PMEL: variants seen among roughly 807,000 people sequenced by gnomAD.
The protein encoded by PMEL is premelanosome protein, also known as melanocyte protein PMEL.
A neutral mutation model predicts 64.9 loss-of-function variants in PMEL; 53 were observed. The ratio of observed to expected loss-of-function variants is 0.82; its 90% CI spans 0.66 to 1.03. The LOEUF (loss-of-function observed/expected upper bound fraction) is 1.03. Ranked by LOEUF, PMEL falls within the 50% of genes least tolerant of loss-of-function variation. The probability of loss-of-function intolerance (pLI) is 0.00; values close to 1 mark genes in which losing one functional copy is unlikely to be tolerated. For missense variants in PMEL, 716 were observed against 814.9 expected (o/e 0.88, Z 1.48); for synonymous variants, 299 against 316.2 (o/e 0.95, Z 0.58).
chr12:55,960,546 T>G (rs1348495654), intron 3 of PMEL, among the ~76,000 whole-genome samples: 6 of 140,174 alleles, frequency 4.3e-5, no homozygotes, highest in African/African-American at 1.4e-4. Flanking sequence ...TGTTTTTTTT[T>G]TTTTTTTTTT....
At chr12:55,960,854 T>C (rs1565776384) in intron 3 of PMEL, among the ~76,000 whole-genome samples, 1 of 148,344 alleles carries the variant, frequency 6.7e-6, no homozygotes, top group Non-Finnish European at 1.5e-5. Flanking sequence ...GCCTTCTCTG[T>C]GTTTTTAAAT....
intron 1 of PMEL, among the ~76,000 whole-genome samples, chr12:55,964,928 CTTTTTTTTT>C (rs545848638): frequency 8.1e-6 from 1 of 123,778 alleles, no homozygotes; most frequent in Non-Finnish European, 1.7e-5. Context: ...CATCCCCTTT[CTTTTTTTTT>C]TTTTTTTTGA....
Position 55,956,262 on chromosome 12 carries a change from A to C in PMEL, c.1355-43T>G, listed in dbSNP as rs777151211. 4.6e-6 allele frequency: 6 copies of C among 1,292,788 alleles called. No homozygotes were observed. In the Admixed American group the frequency reaches 7.0e-5, roughly 15 times the overall value. 80.1% of individuals were successfully genotyped at this position (1,292,788 alleles called of 1,614,324 possible). ...AGGAGGCAAGATCAAGAGACAGATG[A>C]CTCATCTGGAGGCAGAGGCCAAGCA... On this transcript the variant is annotated intron_variant, in intron 6 of 10. Transcript: ENST00000548747.
At chr12:55,958,302 T>C (rs1042501758) in intron 4 of PMEL, 171 bp downstream of exon 4, 12 of 793,554 alleles carry the variant, frequency 1.5e-5, no homozygotes, top group Non-Finnish European at 2.3e-5. Flanking sequence ...GAAAGAATTA[T>C]GATAGAGTTG....
chr12:55,960,634 C>G (rs1437030868), intron 3 of PMEL, among the ~76,000 whole-genome samples: 1 of 148,392 alleles, frequency 6.7e-6, no homozygotes, highest in Non-Finnish European at 1.5e-5. Flanking sequence ...GCTCCACCTC[C>G]TGGGTTCACG....
At chr12:55,961,273 A>G in intron 3 of PMEL, 44 bp downstream of exon 3, 6 of 1,590,732 alleles carry the variant, frequency 3.8e-6, no homozygotes, top group South Asian at 1.1e-5. Context: ...ATACCAGGGA[A>G]CCTGAGCCCT....
intron 4 of PMEL, 183 bp downstream of exon 4, chr12:55,958,290 C>T (rs879007549): frequency 2.6e-6 from 2 of 782,822 alleles, no homozygotes; most frequent in South Asian, 3.7e-5. Context: ...GAAGAGTTGC[C>T]AGAAAGAATT....
At chr12:55,965,666 C>T (rs962778247) in intron 1 of PMEL, among the ~76,000 whole-genome samples, 2 of 152,150 alleles carry the variant, frequency 1.3e-5, no homozygotes, top group African/African-American at 2.4e-5. Flanking sequence ...CTTTGGAGCC[C>T]GTGCTCCAGC....
At position 55,965,850 on chromosome 12, in the gene PMEL, T is replaced by A. The variant is rs925600747; in HGVS notation, c.76+86A>T. 5.3e-6 allele frequency: 8 copies of A among 1,504,972 alleles called. No homozygotes were observed. In the African/African-American group the frequency reaches 9.6e-5, roughly 18 times the overall value. The allele number at this position is 1,504,972 out of a possible 1,614,324, so 93.2% of individuals were successfully genotyped here. A position where few individuals can be genotyped will look rare whatever the true frequency, so the allele number is the denominator to read the frequency against. Reference sequence around the variant, plus strand: ...TGGGAGACGCCTGAAATATTGCCGCTATCTCCCATTAGGAGGACAGAAACC... The same window carrying A: ...TGGGAGACGCCTGAAATATTGCCGCAATCTCCCATTAGGAGGACAGAAACC... On this transcript the variant is annotated intron_variant, in intron 1 of 10. Coordinates refer to ENST00000548747, the MANE Select transcript of PMEL (RefSeq NM_001384361.1).
At chr12:55,962,982 C>A in intron 1 of PMEL, among the ~76,000 whole-genome samples, 1 of 151,718 alleles carries the variant, frequency 6.6e-6, no homozygotes, top group South Asian at 2.1e-4. Context: ...CCAAGTGAAA[C>A]CCTGTCTCTA....
intron 10 of PMEL, among the ~76,000 whole-genome samples, chr12:55,955,004 A>T (rs1398453815): frequency 1.3e-5 from 2 of 152,232 alleles, no homozygotes; most frequent in Non-Finnish European, 2.9e-5. Context: ...CTTCAGAGCC[A>T]GGTGCTTTAC....
At position 55,957,603 on chromosome 12, in the gene PMEL, T is replaced by C; in HGVS notation, c.700A>G (p.Arg234Gly). The C allele has an allele frequency of 6.2e-7, 1 of 1,613,612 alleles. No homozygotes were observed. Residue 234 changes from arginine (R) to glycine (G), a missense_variant, in exon 6 of 11, where the codon AGA becomes GGA. Coordinates refer to ENST00000548747, the MANE Select transcript of PMEL (RefSeq NM_001384361.1). ...ALDGGNKHFL[R>G]NQPLTFALQL... is the part of the protein sequence containing the mutation. ...AGGGCAAAGGTCAGAGGCTGATTTC[T>C]CAGGAAGTGCTTGTTCCCTCCATCC...
chr12:55,961,775 T>G (rs771782519), intron 1 of PMEL, 43 bp from the exon 2 acceptor site: 5 of 1,229,288 alleles, frequency 4.1e-6, no homozygotes, highest in Non-Finnish European at 6.0e-6. Flanking sequence ...TCCTTTCAGT[T>G]CCTTCTCAGG....
chr12:55,962,304 A>G (rs186271383), intron 1 of PMEL, among the ~76,000 whole-genome samples: 5,786 of 150,052 alleles, frequency 0.039, 358 homozygotes, highest in African/African-American at 0.13. Flanking sequence ...TTAGCCGGGC[A>G]TGGTGGTGCG....
chr12:55,963,405 G>GTTGTTT (rs1889178092), intron 1 of PMEL, among the ~76,000 whole-genome samples: 2 of 152,130 alleles, frequency 1.3e-5, no homozygotes, highest in South Asian at 4.1e-4. Flanking sequence ...CTTACTAGTT[G>GTTGTTT]TTGTTTTTGT....
Position 55,955,338 on chromosome 12 carries a change from C to T in PMEL, c.1786G>A (p.Val596Ile), listed in dbSNP as rs762278688. The T allele has an allele frequency of 6.2e-7, 1 of 1,614,090 alleles. No homozygotes were observed. The highest frequency in any genetic ancestry group is 8.5e-7 in the Non-Finnish European group (1 of 1,180,038). Residue 596 changes from valine (V) to isoleucine (I), a missense_variant, in exon 10 of 11, where the codon GTT becomes ATT. Transcript: ENST00000548747. Reference protein sequence around the residue: ...MPGQEAGLGQVPLIVGILLVL... With the variant: ...MPGQEAGLGQIPLIVGILLVL... ...AGCAAGATGCCCACGATCAGCGGAA[C>T]CTGCCCAAGGCCTGCTTCTTGACCT... is the stretch of plus-strand genomic sequence containing the variant.
Position 55,961,834 on chromosome 12 carries a change from ATTTTTTT to A in PMEL, c.77-109_77-103del, listed in dbSNP as rs1201947206. The A allele has an allele frequency of 3.3e-5, 17 of 511,016 alleles. 1 individual carries two copies. The highest frequency in any genetic ancestry group is 5.1e-5 in the Non-Finnish European group (15 of 294,852). 31.7% of individuals were successfully genotyped at this position (511,016 alleles called of 1,614,324 possible). A position where few individuals can be genotyped will look rare whatever the true frequency, so the allele number is the denominator to read the frequency against. On this transcript the variant is annotated intron_variant, in intron 1 of 10. Transcript: ENST00000548747. Reference sequence around the variant, plus strand: ...CCATTCATTCTCACATTCGAAGTGCATTTTTTTTTTTTTTTTTTTGAGATGGAGTTTC... The same window carrying A: ...CCATTCATTCTCACATTCGAAGTGCATTTTTTTTTTTTGAGATGGAGTTTC...
At chr12:55,965,675 G>A (rs1002238177) in intron 1 of PMEL, among the ~76,000 whole-genome samples, 4 of 152,134 alleles carry the variant, frequency 2.6e-5, no homozygotes, top group Non-Finnish European at 4.4e-5. Flanking sequence ...CCGTGCTCCA[G>A]CTCACTGCCA....
chr12:55,961,681 G>A lies in PMEL; in HGVS notation c.128C>T (p.Ala43Val). Residue 43 changes from alanine to valine, a missense_variant, in exon 2 of 11, where the codon GCC (alanine) becomes GTC (valine). Coordinates refer to ENST00000548747, the MANE Select transcript of PMEL (RefSeq NM_001384361.1). ...CTCTGGATACAGCTGCCTGTTCCAGGCTTTGGTTCTGAGTTGCCTTGAGAC... is the reference window on the plus strand; with the variant it reads ...CTCTGGATACAGCTGCCTGTTCCAGACTTTGGTTCTGAGTTGCCTTGAGAC... ...LGVSRQLRTK[A>V]WNRQLYPEWT... is the part of the protein sequence containing the mutation. 6.2e-7 allele frequency: 1 copy of A among 1,614,008 alleles called. No individual in the cohort carries two copies. Among genetic ancestry groups the A allele is most frequent in the African/African-American group, 1.3e-5 (1 of 74,994 alleles).
Sources: gnomAD v4.1 joint callset for allele counts (sites outside exome capture counted in the v4.1 genomes callset) on GRCh38, gnomAD v4.1.1 for gene constraint, MANE v1.5 for transcripts, NCBI Gene and HGNC (gene_info 2026-07-23, HGNC 2026-07-21) for gene names.